Variants in ZNF536 observed in about 807,000 individuals in gnomAD.
ZNF536 encodes the protein zinc finger protein 536.
In ZNF536, 13 loss-of-function variants were observed where a neutral mutation model predicts 84.5. That is an observed-to-expected ratio of 0.15 (90% confidence interval 0.10 to 0.24). ZNF536 has a LOEUF of 0.24. Among genes scored for constraint, ZNF536 ranks in the 10% least tolerant of loss-of-function variants. The pLI is 1.00. For synonymous variants in ZNF536, 811 were observed against 742.5 expected (o/e 1.09, Z -1.50); for missense variants, 1,536 against 1,747.5 (o/e 0.88, Z 2.16).
At chr19:30,577,967 C>T (rs1302236099) in intron 1 of ZNF536, among the ~76,000 whole-genome samples, 2 of 152,186 alleles carry the variant, frequency 1.3e-5, no homozygotes, top group African/African-American at 4.8e-5. Context: ...AAATGAATCA[C>T]TCTTTTAAAA....
chr19:30,484,559 G>A (rs1473253613), intron 2 of ZNF536, among the ~76,000 whole-genome samples: 1 of 151,776 alleles, frequency 6.6e-6, no homozygotes, highest in Non-Finnish European at 1.5e-5. Flanking sequence ...TATCAAGTAA[G>A]TGTTTCGCCC....
chr19:30,412,873 A>T (rs535494582), intron 1 of ZNF536, among the ~76,000 whole-genome samples: 12 of 152,048 alleles, frequency 7.9e-5, no homozygotes, highest in East Asian at 3.9e-4. Context: ...GCTTTTTTTT[A>T]AAATGTAAAT....
intron 2 of ZNF536, among the ~76,000 whole-genome samples, chr19:30,317,043 G>A (rs1223345527): frequency 6.6e-6 from 1 of 152,166 alleles, no homozygotes; most frequent in Non-Finnish European, 1.5e-5. Flanking sequence ...GATAGAGAGG[G>A]GGTTAGCCCT....
rs559657320 is a variant in ZNF536 at position 30,412,537 on chromosome 19, A to G, written c.-2-31024A>G. On this transcript the variant is annotated intron_variant, in intron 1 of 4. Transcript: ENST00000355537. ...TTGTTCTTTAATAAATTATGTGAAT[A>G]TACCATATGGTTCATTTCACTAATA... Among the ~76,000 whole-genome samples, 3 of 152,184 alleles carry G rather than the reference A, an allele frequency of 2.0e-5. No homozygotes were observed. The South Asian group carries it at 6.2e-4, about 32-fold the overall frequency.
intron 2 of ZNF536, among the ~76,000 whole-genome samples, chr19:30,325,861 T>C (rs2047006056): frequency 6.6e-6 from 1 of 152,150 alleles, no homozygotes; most frequent in Admixed American, 6.5e-5. Context: ...CTGTGCCACC[T>C]ATCCTCCATG....
intron 2 of ZNF536, among the ~76,000 whole-genome samples, chr19:30,469,756 C>T (rs1370753453): frequency 6.6e-6 from 1 of 152,120 alleles, no homozygotes; most frequent in African/African-American, 2.4e-5. Context: ...CTATGTCCAT[C>T]ATGGGTGTGA....
chr19:30,469,509 C>T (rs550720927), intron 2 of ZNF536, among the ~76,000 whole-genome samples: 1 of 152,278 alleles, frequency 6.6e-6, no homozygotes, highest in Non-Finnish European at 1.5e-5. Context: ...GAAAAATCTT[C>T]CTCCTCAAAG....
intron 3 of ZNF536, among the ~76,000 whole-genome samples, chr19:30,536,984 G>A (rs962174919): frequency 5.3e-5 from 8 of 152,112 alleles, no homozygotes; most frequent in Non-Finnish European, 1.0e-4. Flanking sequence ...TTTCTAGACC[G>A]CTTTCCTTCC....
chr19:30,319,953 C>T (rs1345172346), intron 2 of ZNF536, among the ~76,000 whole-genome samples: 1 of 152,140 alleles, frequency 6.6e-6, no homozygotes, highest in East Asian at 1.9e-4. Flanking sequence ...GCTTTGTGTG[C>T]TCTTACTTTT....
At chr19:30,410,296 C>A (rs1306840731) in intron 1 of ZNF536, among the ~76,000 whole-genome samples, 12 of 151,964 alleles carry the variant, frequency 7.9e-5, no homozygotes, top group Non-Finnish European at 1.3e-4. Context: ...TGTATTCACA[C>A]ATTGCACACA....
At chr19:30,629,425 G>C (rs1056319162) in intron 1 of ZNF536, among the ~76,000 whole-genome samples, 1 of 151,906 alleles carries the variant, frequency 6.6e-6, no homozygotes, top group African/African-American at 2.4e-5. Context: ...CAAACTCTTG[G>C]GCTCCAGCCA....
chr19:30,424,690 T>C, intron 1 of ZNF536, among the ~76,000 whole-genome samples: 1 of 152,174 alleles, frequency 6.6e-6, no homozygotes, highest in East Asian at 1.9e-4. Flanking sequence ...ACGGCCTTCT[T>C]TCCGGAAGAC....
intron 1 of ZNF536, among the ~76,000 whole-genome samples, chr19:30,374,761 CA>C (rs2048744021): frequency 6.6e-6 from 1 of 151,432 alleles, no homozygotes; most frequent in Non-Finnish European, 1.5e-5. Flanking sequence ...GGGCGAGTTT[CA>C]TCCTGGAGGG....
chr19:30,355,799 G>A (rs1469374916), intron 3 of ZNF536, among the ~76,000 whole-genome samples: 1 of 152,132 alleles, frequency 6.6e-6, no homozygotes, highest in South Asian at 2.1e-4. Flanking sequence ...TGTGAACTGC[G>A]AATGTGAGGG....
chr19:30,305,711 AG>A (rs2046322220), intron 2 of ZNF536, among the ~76,000 whole-genome samples: 1 of 152,144 alleles, frequency 6.6e-6, no homozygotes, highest in African/African-American at 2.4e-5. Context: ...GGGGTTTGGG[AG>A]CCCACTGTTC....
At chr19:30,708,677 G>C (rs2052345306) in intron 1 of ZNF536, among the ~76,000 whole-genome samples, 1 of 152,202 alleles carries the variant, frequency 6.6e-6, no homozygotes, top group Non-Finnish European at 1.5e-5. Context: ...GAATGGATTA[G>C]TCCTGGACAC....
chr19:30,510,282 G>A (rs960940666), intron 2 of ZNF536, among the ~76,000 whole-genome samples: 2 of 152,216 alleles, frequency 1.3e-5, no homozygotes, highest in African/African-American at 4.8e-5. Context: ...AATTCAAAAT[G>A]TACTGCTGAT....
At chr19:30,264,918 T>A (rs2025421201) in intron 1 of ZNF536, among the ~76,000 whole-genome samples, 1 of 151,030 alleles carries the variant, frequency 6.6e-6, no homozygotes, top group Admixed American at 6.6e-5. Context: ...AAAGTTCTGC[T>A]CTGTCAATAG....
At chr19:30,413,104 T>G (rs1223935985) in intron 1 of ZNF536, among the ~76,000 whole-genome samples, 1 of 152,194 alleles carries the variant, frequency 6.6e-6, no homozygotes, top group Non-Finnish European at 1.5e-5. Flanking sequence ...TGTTTTCTCT[T>G]TTTATTCTCA....
Sources: allele counts gnomAD v4.1 joint callset (sites outside exome capture counted in the v4.1 genomes callset), GRCh38; gene constraint gnomAD v4.1.1; transcripts MANE v1.5; gene names NCBI Gene and HGNC (gene_info 2026-07-23, HGNC 2026-07-21).